SLC25A26: variants seen among roughly 807,000 people sequenced by gnomAD.
The protein encoded by SLC25A26 is mitochondrial S-adenosylmethionine carrier protein.
Under a neutral mutation model 37.8 loss-of-function variants are expected in SLC25A26, and 36 were observed. That is an observed-to-expected ratio of 0.95 (90% CI 0.73 to 1.26). The LOEUF is 1.26. Among genes scored for constraint, SLC25A26 ranks in the 50% most tolerant of loss-of-function variants. The pLI, the probability that SLC25A26 is intolerant of heterozygous loss-of-function variation, is 0.00. For synonymous variants in SLC25A26, 129 were observed against 122.5 expected, an observed-to-expected ratio of 1.05 and a Z score of -0.35; for missense variants, 390 against 331.1, an observed-to-expected ratio of 1.18 and a Z score of -1.38.
intron 3 of SLC25A26, among the ~76,000 whole-genome samples, chr3:66,246,188 C>T (rs1232342140): frequency 6.6e-6 from 1 of 152,168 alleles, no homozygotes; most frequent in Non-Finnish European, 1.5e-5. Flanking sequence ...TATGTCCTGA[C>T]ACACAGTCTC....
chr3:66,263,248 G>T, intron 4 of SLC25A26, 84 bp from the exon 5 acceptor site: 1 of 912,544 alleles, frequency 1.1e-6, no homozygotes, highest in South Asian at 1.4e-5. Flanking sequence ...ACTCAAACAA[G>T]AGCAGGTAGA....
intron 5 of SLC25A26, among the ~76,000 whole-genome samples, chr3:66,280,228 C>A (rs1576783097): frequency 6.6e-6 from 1 of 152,162 alleles, no homozygotes; most frequent in African/African-American, 2.4e-5. Flanking sequence ...GTTCTTACCA[C>A]ATTATTTTTC....
At chr3:66,171,575 G>T (rs901017649) in intron 1 of SLC25A26, among the ~76,000 whole-genome samples, 1 of 151,736 alleles carries the variant, frequency 6.6e-6, no homozygotes, top group African/African-American at 2.4e-5. Flanking sequence ...CTGCAACCTC[G>T]GCCTCTCAGG....
intron 1 of SLC25A26, among the ~76,000 whole-genome samples, chr3:66,177,946 G>C (rs147528434): frequency 1.3e-5 from 2 of 152,176 alleles, no homozygotes; most frequent in African/African-American, 4.8e-5. Context: ...GATGAATGGC[G>C]TAAATAGCAT....
intron 1 of SLC25A26, among the ~76,000 whole-genome samples, chr3:66,197,026 A>AT (rs1412381544): frequency 3.3e-5 from 5 of 151,778 alleles, no homozygotes; most frequent in Admixed American, 3.3e-4. Context: ...TCTTTTGTAT[A>AT]TTTTTTTATT....
Position 66,185,317 on chromosome 3 carries a change from G to A in SLC25A26, c.-353-35425G>A, listed in dbSNP as rs1042861805. 1.7e-3 allele frequency among the ~76,000 whole-genome samples: 263 copies of A among 152,130 alleles called. 1 individual carries two copies. The highest frequency in any genetic ancestry group is 6.1e-3 in the African/African-American group (253 of 41,498). On this transcript the variant is annotated intron_variant, in intron 1 of 10. Transcript: ENST00000676754. ...TCCTTTTTAAGGCTGAATAATATTCGGTATATACCACATTTTATTTATCCA... is the reference window on the plus strand; with the variant it reads ...TCCTTTTTAAGGCTGAATAATATTCAGTATATACCACATTTTATTTATCCA...
chr3:66,245,909 C>G (rs1473838467), intron 3 of SLC25A26, among the ~76,000 whole-genome samples: 1 of 152,158 alleles, frequency 6.6e-6, no homozygotes, highest in African/African-American at 2.4e-5. Flanking sequence ...TTGCCAGCGT[C>G]CATTTTAAAA....
intron 5 of SLC25A26, among the ~76,000 whole-genome samples, chr3:66,297,294 C>G (rs528768712): frequency 6.7e-6 from 1 of 148,360 alleles, no homozygotes. Context: ...TGCCATTGCC[C>G]TCCAGCCTGG....
intron 5 of SLC25A26, among the ~76,000 whole-genome samples, chr3:66,269,967 T>G (rs2073897369): frequency 6.6e-6 from 1 of 152,182 alleles, no homozygotes; most frequent in South Asian, 2.1e-4. Flanking sequence ...TTCTACACAG[T>G]GAGCACTCAG....
At chr3:66,335,411 G>A (rs560086528) in intron 5 of SLC25A26, among the ~76,000 whole-genome samples, 1 of 152,244 alleles carries the variant, frequency 6.6e-6, no homozygotes, top group South Asian at 2.1e-4. Context: ...ATTTATTTTT[G>A]TGTTTTATCC....
Position 66,228,498 on chromosome 3 carries a change from C to A in SLC25A26, c.33+7371C>A, listed in dbSNP as rs540236724. On this transcript the variant is annotated intron_variant, in intron 1 of 9. Transcript: ENST00000354883. ...CCAAATAAAGGAAAGATAAAAGTTA[C>A]ACCCACAGTTATCTCACCTCCCCAA... Among the ~76,000 whole-genome samples, 5 of 152,286 alleles carry A rather than the reference C, an allele frequency of 3.3e-5. No homozygotes were observed. The South Asian group carries it at 8.3e-4, about 25-fold the overall frequency.
At chr3:66,249,394 C>G (rs1012866748) in intron 3 of SLC25A26, among the ~76,000 whole-genome samples, 2 of 152,222 alleles carry the variant, frequency 1.3e-5, no homozygotes, top group East Asian at 3.9e-4. Flanking sequence ...AGCTTTCCCA[C>G]TGGTTAAAGG....
intron 5 of SLC25A26, among the ~76,000 whole-genome samples, chr3:66,266,131 G>C (rs896542121): frequency 6.6e-6 from 1 of 151,236 alleles, no homozygotes. Flanking sequence ...CGTTTTGTTG[G>C]AGATTTAATT....
intron 1 of SLC25A26, among the ~76,000 whole-genome samples, chr3:66,138,045 G>C (rs2069974139): frequency 6.6e-6 from 1 of 151,836 alleles, no homozygotes. Flanking sequence ...TGTTGGCCAG[G>C]TTGGTCTCGA....
At chr3:66,273,449 T>C (rs188197777) in intron 5 of SLC25A26, among the ~76,000 whole-genome samples, 575 of 152,054 alleles carry the variant, frequency 3.8e-3, no homozygotes, top group Non-Finnish European at 5.2e-3. Flanking sequence ...TAAGCTATTA[T>C]TGCCACAATT....
intron 9 of SLC25A26, chr3:66,371,121 A>G: frequency 7.1e-7 from 1 of 1,414,644 alleles, no homozygotes. Flanking sequence ...AGATTAAAAC[A>G]TTGCTTTGAC....
intron 6 of SLC25A26, among the ~76,000 whole-genome samples, chr3:66,355,486 T>A (rs1468801025): frequency 2.6e-5 from 4 of 152,206 alleles, no homozygotes; most frequent in Admixed American, 2.6e-4. Context: ...TTATGAAAAG[T>A]AGTGCTATAT....
intron 1 of SLC25A26, among the ~76,000 whole-genome samples, chr3:66,201,101 C>T (rs1038303725): frequency 1.3e-5 from 2 of 152,244 alleles, no homozygotes; most frequent in Non-Finnish European, 2.9e-5. Flanking sequence ...ATCATTGTTT[C>T]TTGACTGCAC....
chr3:66,219,333 T>A (rs2071410086), upstream of SLC25A26, among the ~76,000 whole-genome samples: 1 of 152,198 alleles, frequency 6.6e-6, no homozygotes, highest in South Asian at 2.1e-4. Flanking sequence ...CCTGTGAGTA[T>A]GACAGAACAT....
Sources: gnomAD v4.1 joint callset for allele counts (sites outside exome capture counted in the v4.1 genomes callset) on GRCh38, gnomAD v4.1.1 for gene constraint, MANE v1.5 for transcripts, NCBI Gene and HGNC (gene_info 2026-07-23, HGNC 2026-07-21) for gene names.